The following NPAS3 variants were observed in gnomAD, a reference collection of about 807,000 sequenced individuals.
NPAS3 encodes the protein neuronal PAS domain protein 3.
NPAS3 carries 14 observed loss-of-function variants against 73.1 expected under a neutral mutation model. That is an observed-to-expected ratio of 0.19 (90% CI 0.13 to 0.30). The LOEUF is 0.30. Ranked by LOEUF, NPAS3 falls within the 10% of genes least tolerant of loss-of-function variation. NPAS3 has a pLI of 1.00. For synonymous variants in NPAS3, 620 were observed against 541.5 expected (o/e 1.14, Z -2.01); for missense variants, 1,096 against 1,250.0 (o/e 0.88, Z 1.86).
chr14:33,647,147 C>T (rs1375052266), intron 5 of NPAS3, among the ~76,000 whole-genome samples: 4 of 152,130 alleles, frequency 2.6e-5, no homozygotes, highest in African/African-American at 9.7e-5. Flanking sequence ...TGACCACACA[C>T]TAACTTGCTT....
chr14:33,014,056 G>A (rs545680781), intron 1 of NPAS3, among the ~76,000 whole-genome samples: 113 of 152,258 alleles, frequency 7.4e-4, no homozygotes, highest in African/African-American at 2.7e-3. Flanking sequence ...TTCAGTGCAG[G>A]ATCAGTAGAG....
At position 33,543,692 on chromosome 14, in the gene NPAS3, G is replaced by A. The variant is rs531113575; in HGVS notation, c.469-16429G>A. Among the ~76,000 whole-genome samples the A allele has an allele frequency of 1.4e-3, 220 of 152,206 alleles. 1 individual carries two copies. The highest frequency in any genetic ancestry group is 6.4e-3 in the South Asian group (31 of 4,820). On this transcript the variant is annotated intron_variant, in intron 4 of 11. Coordinates refer to ENST00000356141, the Ensembl canonical transcript of NPAS3. Reference sequence around the variant, plus strand: ...CTAGGTTGGCTTCATCTCAATCAGAGAGGACAACAATCATCTTCTTGTCCC... The same window carrying A: ...CTAGGTTGGCTTCATCTCAATCAGAAAGGACAACAATCATCTTCTTGTCCC...
intron 6 of NPAS3, among the ~76,000 whole-genome samples, chr14:33,690,726 G>A (rs569152698): frequency 2.0e-5 from 3 of 152,102 alleles, no homozygotes; most frequent in Admixed American, 1.3e-4. Context: ...ATGTATACAC[G>A]CATATATTGT....
chr14:33,650,437 A>G (rs2058958835), intron 5 of NPAS3, among the ~76,000 whole-genome samples: 2 of 152,214 alleles, frequency 1.3e-5, no homozygotes, highest in Admixed American at 1.3e-4. Flanking sequence ...AAGAAAAAAA[A>G]ACCCTCAAAG....
chr14:33,205,999 C>T (rs1425805219), intron 2 of NPAS3, among the ~76,000 whole-genome samples: 3 of 152,076 alleles, frequency 2.0e-5, no homozygotes, highest in Non-Finnish European at 4.4e-5. Context: ...CAATTAACAG[C>T]AAATCTATCT....
At chr14:33,280,581 C>T (rs916570347) in intron 3 of NPAS3, among the ~76,000 whole-genome samples, 1 of 152,066 alleles carries the variant, frequency 6.6e-6, no homozygotes, top group Non-Finnish European at 1.5e-5. Context: ...GCTTTACTGA[C>T]TCTGATGCCA....
intron 7 of NPAS3, among the ~76,000 whole-genome samples, chr14:33,768,517 A>G (rs2062537975): frequency 6.6e-6 from 1 of 152,204 alleles, no homozygotes; most frequent in Non-Finnish European, 1.5e-5. Context: ...TTGCAGCTGT[A>G]TTCTGAAACT....
At chr14:33,105,098 G>A (rs930939753) in intron 2 of NPAS3, among the ~76,000 whole-genome samples, 1 of 152,046 alleles carries the variant, frequency 6.6e-6, no homozygotes, top group Non-Finnish European at 1.5e-5. Context: ...GTAATCCATA[G>A]GTTTGTATAA....
chr14:33,005,784 G>A (rs987923055), intron 1 of NPAS3, among the ~76,000 whole-genome samples: 4 of 152,038 alleles, frequency 2.6e-5, no homozygotes, highest in African/African-American at 4.8e-5. Flanking sequence ...TTTAAATGTC[G>A]GCTTTCATGA....
chr14:33,523,383 G>T (rs1036163884), intron 4 of NPAS3, among the ~76,000 whole-genome samples: 4 of 150,144 alleles, frequency 2.7e-5, no homozygotes, highest in African/African-American at 9.8e-5. Flanking sequence ...ACTGGCCCAG[G>T]CAAGGTTGCA....
intron 2 of NPAS3, among the ~76,000 whole-genome samples, chr14:33,204,094 T>G (rs2046730752): frequency 6.6e-6 from 1 of 152,214 alleles, no homozygotes; most frequent in Non-Finnish European, 1.5e-5. Context: ...TTTTTTCATG[T>G]GTCTTTTGTC....
intron 4 of NPAS3, among the ~76,000 whole-genome samples, chr14:33,483,272 A>G (rs997037439): frequency 2.0e-5 from 3 of 152,194 alleles, no homozygotes; most frequent in African/African-American, 7.2e-5. Flanking sequence ...GGTCAGTTCC[A>G]CAGGGCAGTT....
At chr14:33,323,819 A>G (rs141889597) in intron 3 of NPAS3, among the ~76,000 whole-genome samples, 112 of 152,350 alleles carry the variant, frequency 7.4e-4, no homozygotes, top group African/African-American at 2.4e-3. Context: ...AGCTTAATAA[A>G]TCATTCTGGT....
intron 2 of NPAS3, among the ~76,000 whole-genome samples, chr14:33,093,553 C>A (rs552883583): frequency 7.9e-5 from 12 of 152,258 alleles, no homozygotes; most frequent in African/African-American, 2.9e-4. Flanking sequence ...TTGTGGAAGA[C>A]AGTGCGGCGA....
At chr14:33,764,241 G>A (rs1324944823) in intron 7 of NPAS3, among the ~76,000 whole-genome samples, 2 of 152,164 alleles carry the variant, frequency 1.3e-5, no homozygotes, top group Non-Finnish European at 2.9e-5. Flanking sequence ...CGGCGGAGGG[G>A]TACACGGCTG....
At chr14:33,106,318 T>C (rs2042721025) in intron 2 of NPAS3, among the ~76,000 whole-genome samples, 1 of 152,172 alleles carries the variant, frequency 6.6e-6, no homozygotes, top group Non-Finnish European at 1.5e-5. Context: ...TTGTCCCAAA[T>C]ATAGTAGCAG....
chr14:33,630,211 G>A (rs181718730), intron 5 of NPAS3, among the ~76,000 whole-genome samples: 1 of 152,156 alleles, frequency 6.6e-6, no homozygotes, highest in African/African-American at 2.4e-5. Context: ...AAGTCTACGG[G>A]ATTTTGATCT....
At chr14:33,159,520 A>G (rs1010728080) in intron 2 of NPAS3, among the ~76,000 whole-genome samples, 2 of 151,496 alleles carry the variant, frequency 1.3e-5, no homozygotes, top group Non-Finnish European at 2.9e-5. Context: ...ATTTGTGTGC[A>G]GAATAGCTAA....
chr14:33,283,628 T>A (rs918323524), intron 3 of NPAS3, among the ~76,000 whole-genome samples: 2 of 152,158 alleles, frequency 1.3e-5, no homozygotes, highest in East Asian at 3.9e-4. Flanking sequence ...CTTCACAAAC[T>A]ATTGGAAAGC....
Sources: gnomAD v4.1 joint callset for allele counts (sites outside exome capture counted in the v4.1 genomes callset) on GRCh38, gnomAD v4.1.1 for gene constraint, MANE v1.5 for transcripts, NCBI Gene and HGNC (gene_info 2026-07-23, HGNC 2026-07-21) for gene names.